RNF168: variants seen among roughly 807,000 people sequenced by gnomAD.
RNF168 encodes E3 ubiquitin-protein ligase RNF168.
RNF168 carries 34 observed loss-of-function variants against 34.9 expected under a neutral mutation model. That is an observed-to-expected ratio of 0.97 (90% CI 0.74 to 1.30). The LOEUF (loss-of-function observed/expected upper bound fraction) is 1.30, where lower values mean the gene tolerates loss of function less well. RNF168 is among the 50% of genes most tolerant of loss of function. RNF168 has a pLI of 0.00. For synonymous variants in RNF168, 264 were observed against 254.7 expected (o/e 1.04, Z -0.35); for missense variants, 725 against 682.5 (o/e 1.06, Z -0.69).
At chr3:196,498,477 G>A (rs963692228) in intron 1 of RNF168, among the ~76,000 whole-genome samples, 1 of 151,970 alleles carries the variant, frequency 6.6e-6, no homozygotes, top group African/African-American at 2.4e-5. Flanking sequence ...ATTCTACGTT[G>A]CGTAATTCCA....
At chr3:196,487,977 C>T (rs1327338115) in intron 2 of RNF168, among the ~76,000 whole-genome samples, 1 of 152,136 alleles carries the variant, frequency 6.6e-6, no homozygotes, top group Admixed American at 6.6e-5. Flanking sequence ...AACCTTTCCT[C>T]ATCTAAACTC....
intron 3 of RNF168, among the ~76,000 whole-genome samples, chr3:196,487,189 A>T (rs1044966866): frequency 6.6e-6 from 1 of 152,232 alleles, no homozygotes; most frequent in African/African-American, 2.4e-5. Flanking sequence ...TTCTTTGAAA[A>T]CCACAGTCAA....
intron 4 of RNF168, among the ~76,000 whole-genome samples, chr3:196,479,318 A>G (rs767417743): frequency 6.9e-6 from 1 of 144,598 alleles, no homozygotes; most frequent in Non-Finnish European, 1.5e-5. Context: ...TGGCTTCATT[A>G]TTTTTTAAGG....
At chr3:196,493,871 G>A (rs139583262) in intron 1 of RNF168, among the ~76,000 whole-genome samples, 1 of 98,396 alleles carries the variant, frequency 1.0e-5, no homozygotes, top group African/African-American at 4.2e-5. Flanking sequence ...TTTTTTTTTT[G>A]AGACAGAGTC....
intron 4 of RNF168, among the ~76,000 whole-genome samples, chr3:196,483,387 G>C (rs181138000): frequency 3.9e-4 from 60 of 152,264 alleles, no homozygotes; most frequent in Admixed American, 2.3e-3. Context: ...CGCCACCTTT[G>C]TCTACCTGAC....
intron 5 of RNF168, 112 bp downstream of exon 5, chr3:196,475,119 G>A (rs1577508794): frequency 2.8e-6 from 2 of 714,510 alleles, no homozygotes; most frequent in Non-Finnish European, 5.1e-6. Context: ...ACTCAGACAG[G>A]GTGTTTGATT....
At chr3:196,475,337 T>C in intron 4 of RNF168, 25 bp from the exon 5 acceptor site, 2 of 1,369,720 alleles carry the variant, frequency 1.5e-6, no homozygotes, top group Non-Finnish European at 2.1e-6. Flanking sequence ...TACCAAAGTT[T>C]CAATGCTTTC....
At chr3:196,475,165 T>C (rs115253545) in intron 5 of RNF168, 66 bp downstream of exon 5, 8,998 of 899,398 alleles carry the variant, frequency 0.01, 77 homozygotes, top group Middle Eastern at 0.022. Flanking sequence ...TAGAAAACTA[T>C]GGATAGCACT....
intron 1 of RNF168, among the ~76,000 whole-genome samples, chr3:196,494,652 T>G (rs966589084): frequency 1.3e-5 from 2 of 152,186 alleles, no homozygotes; most frequent in Non-Finnish European, 2.9e-5. Context: ...AAGCCCAAAG[T>G]TGCTCTGGAA....
chr3:196,503,054 G>C lies in RNF168; in HGVS notation c.120C>G (p.Phe40Leu). Residue 40 changes from phenylalanine to leucine, a missense_variant, in exon 1 of 6, where the codon TTC (phenylalanine) becomes TTG (leucine). By Grantham distance (22) the Phe-to-Leu change is conservative. Coordinates refer to ENST00000318037, the MANE Select transcript of RNF168 (RefSeq NM_152617.4). ...PCNHTLCKPC[F>L]QSTVEKASLC... is the part of the protein sequence containing the mutation. ...AACTCGCCTTTTCGACGGTCGACTG[G>C]AAGCACGGTTTACACAGCGTGTGGT... 3 of 1,614,178 alleles carry C rather than the reference G, an allele frequency of 1.9e-6. No homozygotes were observed. Among genetic ancestry groups the C allele is most frequent in the Non-Finnish European group, 2.5e-6 (3 of 1,180,038 alleles).
At chr3:196,493,465 C>G (rs1732644702) in intron 1 of RNF168, among the ~76,000 whole-genome samples, 1 of 152,176 alleles carries the variant, frequency 6.6e-6, no homozygotes, top group Non-Finnish European at 1.5e-5. Flanking sequence ...AGCGATTCTC[C>G]TGCCCTAGCC....
In RNF168 at chr3:196,468,962, A is replaced by G. The variant is rs1731937023; in HGVS notation, c.*2857T>C. On this transcript the variant is annotated 3_prime_UTR_variant, in exon 6 of 6. Transcript: ENST00000318037. ...AAAAGGCATACATGGTAGGCAGAGT[A>G]GAAATACTAACAGAAATTAGTTTAT... The G allele has an allele frequency of 6.6e-6, 1 of 152,202 alleles. No homozygotes were observed. Among genetic ancestry groups the G allele is most frequent in the Admixed American group, 6.6e-5 (1 of 15,264 alleles). The allele number at this position is 152,202 out of a possible 1,614,324, so 9.4% of individuals were successfully genotyped here. A position where few individuals can be genotyped will look rare whatever the true frequency, so the allele number is the denominator to read the frequency against.
Position 196,472,459 on chromosome 3 carries a change from G to A in RNF168, c.1076C>T (p.Ser359Leu). Residue 359 changes from serine (S) to leucine (L), a missense_variant, in exon 6 of 6, where the codon TCA (serine) becomes TTA (leucine). Transcript: ENST00000318037. ...GTTTCCATTTGTCTGTGTCACCCCT[G>A]ATGTGGGGGCGCACCCACTTTCTGT... Reference protein sequence around the residue: ...GRTESGCAPTSGVTQTNGNNT... With the variant: ...GRTESGCAPTLGVTQTNGNNT... The A allele has an allele frequency of 6.2e-7, 1 of 1,614,116 alleles. No individual in the cohort carries two copies. Among genetic ancestry groups the A allele is most frequent in the Non-Finnish European group, 8.5e-7 (1 of 1,179,994 alleles).
chr3:196,502,381 G>A (rs1389881970), intron 1 of RNF168, among the ~76,000 whole-genome samples: 2 of 152,166 alleles, frequency 1.3e-5, no homozygotes. Flanking sequence ...GAGGTCAGGA[G>A]TTTGAGATCA....
At chr3:196,500,983 T>C (rs1476168883) in intron 1 of RNF168, among the ~76,000 whole-genome samples, 1 of 152,178 alleles carries the variant, frequency 6.6e-6, no homozygotes, top group Non-Finnish European at 1.5e-5. Flanking sequence ...AGTGCTGGGA[T>C]TACAGGCGTG....
chr3:196,477,689 A>C (rs1202867009), intron 4 of RNF168, among the ~76,000 whole-genome samples: 1 of 152,250 alleles, frequency 6.6e-6, no homozygotes, highest in Non-Finnish European at 1.5e-5. Context: ...CAGAGAACAG[A>C]ATGTTATTAC....
chr3:196,483,315 G>A (rs925973607), intron 4 of RNF168, among the ~76,000 whole-genome samples: 2 of 152,174 alleles, frequency 1.3e-5, no homozygotes, highest in African/African-American at 2.4e-5. Context: ...TGATGTTTGC[G>A]TAAAGCCACC....
intron 1 of RNF168, among the ~76,000 whole-genome samples, chr3:196,496,677 C>T (rs751627927): frequency 2.6e-5 from 4 of 152,200 alleles, no homozygotes; most frequent in Non-Finnish European, 5.9e-5. Context: ...AAACTCCTAA[C>T]AGGCTGTTAG....
chr3:196,475,032 T>G, intron 5 of RNF168, 199 bp downstream of exon 5: 1 of 549,666 alleles, frequency 1.8e-6, no homozygotes, highest in Non-Finnish European at 3.3e-6. Context: ...AAACTTTGCT[T>G]TTTGTAGTAT....
Sources: gnomAD v4.1 joint callset for allele counts (sites outside exome capture counted in the v4.1 genomes callset) on GRCh38, gnomAD v4.1.1 for gene constraint, MANE v1.5 for transcripts, NCBI Gene and HGNC (gene_info 2026-07-23, HGNC 2026-07-21) for gene names.